The following ZNF451 variants were observed in gnomAD, a reference collection of about 807,000 sequenced individuals.
ZNF451 encodes zinc finger protein 451.
A neutral mutation model predicts 107.1 loss-of-function variants in ZNF451; 80 were observed. The ratio of observed to expected loss-of-function variants is 0.75; its 90% CI spans 0.62 to 0.90. ZNF451 has a LOEUF of 0.90. Among genes scored for constraint, ZNF451 ranks in the 40% least tolerant of loss-of-function variants. The pLI, the probability that ZNF451 is intolerant of heterozygous loss-of-function variation, is 0.00. For synonymous variants in ZNF451, 362 were observed against 406.5 expected (o/e 0.89, Z 1.32); for missense variants, 1,107 against 1,236.2 (o/e 0.90, Z 1.57).
At chr6:57,159,263 C>T (rs1763562831) in intron 13 of ZNF451, 2 of 985,384 alleles carry the variant, frequency 2.0e-6, no homozygotes, top group Non-Finnish European at 2.4e-6. Flanking sequence ...CTTGACAAAT[C>T]AAGGATTTGT....
intron 2 of ZNF451, among the ~76,000 whole-genome samples, chr6:57,093,834 G>A (rs914371991): frequency 6.6e-6 from 1 of 152,214 alleles, no homozygotes; most frequent in Non-Finnish European, 1.5e-5. Context: ...GGGAGGAGGC[G>A]GCATGGGCCA....
chr6:57,105,291 T>G (rs1186680761), intron 3 of ZNF451: 1 of 984,350 alleles, frequency 1.0e-6, no homozygotes, highest in African/African-American at 1.7e-5. Context: ...TTCAAAATGT[T>G]ATTTCTTGAT....
At chr6:57,116,137 T>C (rs1180398374) in intron 3 of ZNF451, 2 of 152,192 alleles carry the variant, frequency 1.3e-5, no homozygotes, top group Non-Finnish European at 2.9e-5. Context: ...TCTGGAATTT[T>C]ACAATTTCAC....
chr6:57,166,714 G>A (rs1352400833), intron 14 of ZNF451, among the ~76,000 whole-genome samples: 1 of 152,152 alleles, frequency 6.6e-6, no homozygotes, highest in Admixed American at 6.5e-5. Context: ...GTTATGTACT[G>A]TACATAATTG....
At chr6:57,096,176 G>GT (rs749589304) in intron 2 of ZNF451, among the ~76,000 whole-genome samples, 1,892 of 58,534 alleles carry the variant, frequency 0.032, 104 homozygotes, top group East Asian at 0.05. Flanking sequence ...CTTTCTTTCT[G>GT]TTTTTTTTTT....
rs1367890556 is a variant in ZNF451 at position 57,146,733 on chromosome 6, T to C, written c.1005-357T>C. ...ACTGGGTTGTCTAGAATCTTAACCA[T>C]AGTGTTCTTACATACAGTTTAATTA... is the stretch of plus-strand genomic sequence containing the variant. On this transcript the variant is annotated intron_variant, in intron 9 of 14. Transcript: ENST00000370706. Among the ~76,000 whole-genome samples, 3 of 152,212 alleles carry C rather than the reference T, an allele frequency of 2.0e-5. No individual in the cohort carries two copies. In the East Asian group the frequency reaches 5.8e-4, roughly 29 times the overall value.
intron 3 of ZNF451, among the ~76,000 whole-genome samples, chr6:57,120,985 A>T (rs1830611407): frequency 6.6e-6 from 1 of 151,822 alleles, no homozygotes; most frequent in South Asian, 2.1e-4. Flanking sequence ...ATTTTCTCCT[A>T]TGTTATCTTT....
Position 57,147,843 on chromosome 6 carries a change from T to G in ZNF451, c.1758T>G (p.Pro586=). 6.2e-7 allele frequency: 1 copy of G among 1,614,134 alleles called. No individual in the cohort carries two copies. The highest frequency in any genetic ancestry group is 8.5e-7 in the Non-Finnish European group (1 of 1,179,990). The change falls in exon 10 of 15, where the codon CCT becomes CCG. Residue 586 remains proline (P), a synonymous_variant. Transcript: ENST00000370706. Reference sequence around the variant, plus strand: ...TGGATAATTTGACTGCTAACAAGCCTTCATCAGCTATTACTGTTATTGATC... The same window carrying G: ...TGGATAATTTGACTGCTAACAAGCCGTCATCAGCTATTACTGTTATTGATC... ...TTLDNLTANK[P]SSAITVIDHS... is the part of the protein sequence containing the mutation.
rs1017948572 is a variant in ZNF451 at position 57,107,277 on chromosome 6, G to T, written c.186+8136G>T. On this transcript the variant is annotated intron_variant, in intron 3 of 14. Transcript: ENST00000370706. ...TTCCCATAATCGCTTTGATGTAGAT[G>T]ATATTTTTATTCTATCAGTGTATAC... The T allele has an allele frequency of 5.1e-6, 5 of 985,072 alleles. No individual in the cohort carries two copies. In the African/African-American group the frequency reaches 8.7e-5, roughly 17 times the overall value. The allele number at this position is 985,072 out of a possible 1,614,324, so 61.0% of individuals were successfully genotyped here. A position where few individuals can be genotyped will look rare whatever the true frequency, so the allele number is the denominator to read the frequency against.
intron 7 of ZNF451, among the ~76,000 whole-genome samples, chr6:57,137,205 A>C (rs1031982160): frequency 6.6e-5 from 10 of 152,236 alleles, no homozygotes; most frequent in Admixed American, 4.6e-4. Context: ...GCCTCTTTTA[A>C]ATCAACAAGA....
chr6:57,106,450 G>A (rs939659156), intron 3 of ZNF451: 12 of 546,656 alleles, frequency 2.2e-5, no homozygotes, highest in Admixed American at 6.4e-5. Context: ...GGGATTACAG[G>A]CATGTGTCAC....
intron 3 of ZNF451, chr6:57,108,073 T>G: frequency 1.3e-6 from 1 of 791,486 alleles, no homozygotes; most frequent in Non-Finnish European, 1.5e-6. Flanking sequence ...CTCCTGAACC[T>G]TGTGATCCAC....
intron 9 of ZNF451, among the ~76,000 whole-genome samples, chr6:57,142,542 T>A (rs919159130): frequency 3.3e-5 from 5 of 152,232 alleles, no homozygotes; most frequent in African/African-American, 1.2e-4. Flanking sequence ...ACATTGTTCC[T>A]TCTTATTGGT....
intron 13 of ZNF451, among the ~76,000 whole-genome samples, chr6:57,157,718 A>G (rs1443548370): frequency 6.6e-6 from 1 of 152,182 alleles, no homozygotes; most frequent in Non-Finnish European, 1.5e-5. Context: ...CTTAAGATAC[A>G]TGGATCCTTT....
rs938566129 is a variant in ZNF451 at position 57,155,815 on chromosome 6, ATTC to A, written c.3070+1771_3070+1773del. Among the ~76,000 whole-genome samples the A allele has an allele frequency of 1.1e-4, 15 of 134,104 alleles. 1 individual carries two copies. The highest frequency in any genetic ancestry group is 2.2e-4 in the Admixed American group (3 of 13,506). The allele number at this position is 134,104 out of a possible 152,430, so 88.0% of individuals were successfully genotyped here. On this transcript the variant is annotated intron_variant, in intron 13 of 14. Transcript: ENST00000370706. ...TCCAAATGACTCTTATGTTCTAGGTATTCTTTTTTTTTTTTTTTTTTTTTAATC... is the reference window on the plus strand; with the variant it reads ...TCCAAATGACTCTTATGTTCTAGGTATTTTTTTTTTTTTTTTTTTTTAATC...
intron 10 of ZNF451, among the ~76,000 whole-genome samples, chr6:57,150,272 C>T (rs968632126): frequency 6.6e-6 from 1 of 152,100 alleles, no homozygotes; most frequent in Non-Finnish European, 1.5e-5. Context: ...TAGAGGGCTA[C>T]TAATAAATCA....
chr6:57,114,146 C>A (rs927085903), intron 3 of ZNF451, among the ~76,000 whole-genome samples: 4 of 152,130 alleles, frequency 2.6e-5, no homozygotes, highest in African/African-American at 9.7e-5. Context: ...TAATTAGCTT[C>A]CTTTTGAGCA....
rs759736776 is a variant in ZNF451 at position 57,141,459 on chromosome 6, T to C, written c.856+4T>C. 6.2e-7 allele frequency: 1 copy of C among 1,607,500 alleles called. No homozygotes were observed. The highest frequency in any genetic ancestry group is 1.1e-5 in the South Asian group (1 of 89,742). Reference sequence around the variant, plus strand: ...CATCAGAGTTTCAAACTGGGTGGTATGTTAATACTCTCTTCTGCTGAAAAT... The same window carrying C: ...CATCAGAGTTTCAAACTGGGTGGTACGTTAATACTCTCTTCTGCTGAAAAT... On this transcript the variant is annotated splice_donor_region_variant and intron_variant, in intron 8 of 14. Transcript: ENST00000370706.
chr6:57,111,570 A>C (rs2127949136), intron 3 of ZNF451, among the ~76,000 whole-genome samples: 1 of 151,782 alleles, frequency 6.6e-6, no homozygotes, highest in South Asian at 2.1e-4. Context: ...TAGTAGATAC[A>C]AGATTTCACC....
Sources: gnomAD v4.1 joint callset for allele counts (sites outside exome capture counted in the v4.1 genomes callset) on GRCh38, gnomAD v4.1.1 for gene constraint, MANE v1.5 for transcripts, NCBI Gene and HGNC (gene_info 2026-07-23, HGNC 2026-07-21) for gene names.